Variants in NUP214 observed in about 807,000 individuals in gnomAD.
NUP214 encodes nucleoporin 214.
NUP214 carries 79 observed loss-of-function variants against 196.2 expected under a neutral mutation model. The observed-to-expected ratio is 0.40, with a 90% CI of 0.34 to 0.49. NUP214 has a LOEUF of 0.49. Ranked by LOEUF, NUP214 falls within the 20% of genes least tolerant of loss-of-function variation. The pLI, the probability that NUP214 is intolerant of heterozygous loss-of-function variation, is 0.58. For synonymous variants in NUP214, 1,020 were observed against 990.5 expected (o/e 1.03, Z -0.56); for missense variants, 2,468 against 2,539.0 (o/e 0.97, Z 0.60).
Position 131,129,291 on chromosome 9 carries a change from A to G in NUP214, c.406A>G (p.Lys136Glu), listed in dbSNP as rs775304461. 1 of 1,614,152 alleles carries G rather than the reference A, an allele frequency of 6.2e-7. No homozygotes were observed. Among genetic ancestry groups the G allele is most frequent in the Non-Finnish European group, 8.5e-7 (1 of 1,180,010 alleles). The change falls in exon 4 of 36, where the codon AAA (lysine) becomes GAA (glutamate). Residue 136 changes from lysine (K) to glutamate (E), a missense_variant. This residue lies in a region of NUP214 where 392 missense variants were observed against 417.9 expected (regional missense o/e 0.94). Coordinates refer to ENST00000359428, the MANE Select transcript of NUP214 (RefSeq NM_005085.4). ...TTTGTTTTAAAAGGCTAAACAGCAA[A>G]AACGCCCATTTGCCTATCATAAGCT... ...RTFSNEAKQQ[K>E]RPFAYHKLLK...
chr9:131,187,508 T>C, intron 25 of NUP214, 144 bp downstream of exon 25: 1 of 619,036 alleles, frequency 1.6e-6, no homozygotes, highest in South Asian at 1.9e-5. Flanking sequence ...TGGCTCAGCC[T>C]CCTGAGTAGT....
At chr9:131,159,788 C>T (rs972770928) in intron 18 of NUP214, among the ~76,000 whole-genome samples, 7 of 151,482 alleles carry the variant, frequency 4.6e-5, no homozygotes, top group Non-Finnish European at 7.4e-5. Context: ...ACCCAGGAGG[C>T]GGAGGTTGCA....
chr9:131,184,854 C>G (rs1308513185), intron 24 of NUP214, among the ~76,000 whole-genome samples: 3 of 152,104 alleles, frequency 2.0e-5, no homozygotes, highest in African/African-American at 7.2e-5. Flanking sequence ...CAAAAACGCC[C>G]AAGAATTGAA....
chr9:131,229,713 T>G (rs1156606212), intron 33 of NUP214: 1 of 518,802 alleles, frequency 1.9e-6, no homozygotes, highest in Non-Finnish European at 3.8e-6. Flanking sequence ...CTGTTGCTGA[T>G]GAGGCCCAAG....
chr9:131,230,180 C>T lies in NUP214; in HGVS notation c.6075-450C>T, dbSNP rs1054975516. On this transcript the variant is annotated intron_variant, in intron 33 of 35. Transcript: ENST00000359428. Reference sequence around the variant, plus strand: ...TGATTCAGGAAGCAAATACAAAATCCTGAATGAAATGACTTGGAAAAAGTA... The same window carrying T: ...TGATTCAGGAAGCAAATACAAAATCTTGAATGAAATGACTTGGAAAAAGTA... 9.4e-5 allele frequency: 17 copies of T among 179,960 alleles called. No homozygotes were observed. In the South Asian group the frequency reaches 1.7e-3, roughly 18 times the overall value. The allele number at this position is 179,960 out of a possible 1,614,324, so 11.1% of individuals were successfully genotyped here. A position where few individuals can be genotyped will look rare whatever the true frequency, so the allele number is the denominator to read the frequency against.
chr9:131,184,002 C>CTTTTCTTTTTCTT (rs1473163057), intron 24 of NUP214, among the ~76,000 whole-genome samples: 7 of 123,740 alleles, frequency 5.7e-5, no homozygotes, highest in Admixed American at 3.1e-4. Context: ...CGTATTTTTT[C>CTTTTCTTTTTCTT]TTTTCTTTTT....
At chr9:131,215,576 CAG>C (rs1014131520) in intron 31 of NUP214, among the ~76,000 whole-genome samples, 1 of 97,780 alleles carries the variant, frequency 1.0e-5, no homozygotes, top group African/African-American at 3.2e-5. Context: ...GAAAAGATAT[CAG>C]AGCTGCAGGG....
rs757856001 is a variant in NUP214 at position 131,130,137 on chromosome 9, G to GTTTTTTTTT, written c.593-624_593-616dup. 9.7e-4 allele frequency among the ~76,000 whole-genome samples: 75 copies of GTTTTTTTTT among 76,926 alleles called. 14 individuals carry two copies. The highest frequency in any genetic ancestry group is 1.7e-3 in the African/African-American group (33 of 19,974). 50.5% of individuals were successfully genotyped at this position (76,926 alleles called of 152,430 possible). A position where few individuals can be genotyped will look rare whatever the true frequency, so the allele number is the denominator to read the frequency against. ...GAGCAGGAGAATGATTTCTGGTTTT[G>GTTTTTTTTT]TTTTTTTTTTTTTGTTTTTTTTTTG... On this transcript the variant is annotated intron_variant, in intron 4 of 35. Coordinates refer to ENST00000359428, the MANE Select transcript of NUP214 (RefSeq NM_005085.4).
chr9:131,222,803 T>A lies in NUP214; in HGVS notation c.5775T>A (p.Ser1925Arg). 1 of 1,614,054 alleles carries A rather than the reference T, an allele frequency of 6.2e-7. No homozygotes were observed. Among genetic ancestry groups the A allele is most frequent in the Non-Finnish European group, 8.5e-7 (1 of 1,180,000 alleles). ...ATACCTCTAACCTATTTGGAAACAG[T>A]GGGGCCAAGACATTTGGTGGATTTG... ...TSNTSNLFGNSGAKTFGGFAS... is the reference protein window; with the variant it reads ...TSNTSNLFGNRGAKTFGGFAS... Residue 1925 changes from serine (S) to arginine (R), a missense_variant, in exon 32 of 36, where the codon AGT (serine) becomes AGA (arginine). Transcript: ENST00000359428.
Position 131,212,815 on chromosome 9 carries a change from G to A in NUP214, c.5593-2397G>A, listed in dbSNP as rs149109040. ...TATAGATTTATACAGGAAAATTAGT[G>A]GATGAAATGATATGTCTGAGATTTG... On this transcript the variant is annotated intron_variant, in intron 30 of 35. Coordinates refer to ENST00000359428, the MANE Select transcript of NUP214 (RefSeq NM_005085.4). 1.9e-3 allele frequency among the ~76,000 whole-genome samples: 294 copies of A among 152,260 alleles called. 3 individuals carry two copies. Among genetic ancestry groups the A allele is most frequent in the African/African-American group, 6.8e-3 (281 of 41,548 alleles).
intron 11 of NUP214, among the ~76,000 whole-genome samples, chr9:131,143,339 A>AT (rs1831983183): frequency 6.6e-6 from 1 of 151,620 alleles, no homozygotes; most frequent in Admixed American, 6.6e-5. Flanking sequence ...CTTTTTAACC[A>AT]TTTGGATTGC....
At chr9:131,172,839 G>A (rs1007722942) in intron 21 of NUP214, among the ~76,000 whole-genome samples, 3 of 152,134 alleles carry the variant, frequency 2.0e-5, no homozygotes, top group Non-Finnish European at 4.4e-5. Flanking sequence ...GGACACAAAA[G>A]TCAATAAATA....
intron 25 of NUP214, among the ~76,000 whole-genome samples, chr9:131,188,528 A>G (rs1833516932): frequency 6.6e-6 from 1 of 152,256 alleles, no homozygotes; most frequent in South Asian, 2.1e-4. Flanking sequence ...TTAGTTTACC[A>G]TAACTTAAAA....
intron 24 of NUP214, 71 bp downstream of exon 24, chr9:131,178,481 C>T (rs1833177506): frequency 2.8e-6 from 3 of 1,072,942 alleles, no homozygotes; most frequent in Admixed American, 1.9e-5. Flanking sequence ...CTGCAGGGAG[C>T]AGCAGTGCCA....
At chr9:131,173,900 T>C (rs1470471837) in intron 21 of NUP214, among the ~76,000 whole-genome samples, 155 bp from the exon 22 acceptor site, 1 of 152,158 alleles carries the variant, frequency 6.6e-6, no homozygotes, top group African/African-American at 2.4e-5. Context: ...ACCATTTTTG[T>C]TCACATTTGA....
Position 131,188,972 on chromosome 9 carries a change from G to A in NUP214, c.3496-81G>A, listed in dbSNP as rs1462483808. 3.2e-6 allele frequency: 3 copies of A among 929,004 alleles called. No individual in the cohort carries two copies. In the African/African-American group the frequency reaches 5.0e-5, roughly 16 times the overall value. The allele number at this position is 929,004 out of a possible 1,614,324, so 57.5% of individuals were successfully genotyped here. The stretch of plus-strand genomic sequence containing the variant: ...CTTGCTTATTTTAAATTATATTTTT[G>A]TGTTTACATTTTACATATTTCTTTG... On this transcript the variant is annotated intron_variant, in intron 25 of 35. Transcript: ENST00000359428.
At position 131,130,845 on chromosome 9, in the gene NUP214, T is replaced by C; in HGVS notation, c.663+9T>C. 2 of 1,612,046 alleles carry C rather than the reference T, an allele frequency of 1.2e-6. No homozygotes were observed. Among genetic ancestry groups the C allele is most frequent in the Non-Finnish European group, 1.7e-6 (2 of 1,178,306 alleles). ...TGGTCCAGTATCTTCCTGTAAGTTCTTATCTTGAACTTCAGAATTTTTCTT... is the reference window on the plus strand; with the variant it reads ...TGGTCCAGTATCTTCCTGTAAGTTCCTATCTTGAACTTCAGAATTTTTCTT... On this transcript the variant is annotated intron_variant, in intron 5 of 35. Coordinates refer to ENST00000359428, the MANE Select transcript of NUP214 (RefSeq NM_005085.4).
intron 31 of NUP214, 62 bp from the exon 32 acceptor site, chr9:131,222,716 T>G (rs1834597002): frequency 6.4e-7 from 1 of 1,553,004 alleles, no homozygotes; most frequent in Non-Finnish European, 8.7e-7. Flanking sequence ...TTTTCTGTGT[T>G]CTGAGAAGCA....
At position 131,129,512 on chromosome 9, in the gene NUP214, A is replaced by G. The variant is rs762427879; in HGVS notation, c.592+35A>G. 8.3e-6 allele frequency: 13 copies of G among 1,575,260 alleles called. No individual in the cohort carries two copies. In the Admixed American group the frequency reaches 1.2e-4, roughly 14 times the overall value. ...AAAGGCTTTCACACTGTAGCATACAATCATGGTCATCTACTTAAGAATTGA... is the reference window on the plus strand; with the variant it reads ...AAAGGCTTTCACACTGTAGCATACAGTCATGGTCATCTACTTAAGAATTGA... On this transcript the variant is annotated intron_variant, in intron 4 of 35. Coordinates refer to ENST00000359428, the MANE Select transcript of NUP214 (RefSeq NM_005085.4).
Sources: gnomAD v4.1 joint callset for allele counts (sites outside exome capture counted in the v4.1 genomes callset) on GRCh38, gnomAD v4.1.1 for gene constraint, gnomAD v4.1.1 regional missense constraint, MANE v1.5 for transcripts, NCBI Gene and HGNC (gene_info 2026-07-23, HGNC 2026-07-21) for gene names.